HCN1: variants seen among roughly 807,000 people sequenced by gnomAD.
HCN1 encodes potassium/sodium hyperpolarization-activated cyclic nucleotide-gated channel 1.
Under a neutral mutation model 78.9 loss-of-function variants are expected in HCN1, and 13 were observed. The ratio of observed to expected loss-of-function variants is 0.16; its 90% CI spans 0.11 to 0.26. HCN1 has a LOEUF of 0.26. Ranked by LOEUF, HCN1 falls within the 10% of genes least tolerant of loss-of-function variation. The probability of loss-of-function intolerance (pLI) is 1.00; values close to 1 mark genes in which losing one functional copy is unlikely to be tolerated. For synonymous variants in HCN1, 552 were observed against 455.5 expected, an observed-to-expected ratio of 1.21 and a Z score of -2.70; for missense variants, 810 against 1,154.3, an observed-to-expected ratio of 0.70 and a Z score of 4.32.
chr5:45,538,741 T>A (rs1050843667), intron 2 of HCN1, among the ~76,000 whole-genome samples: 3 of 152,164 alleles, frequency 2.0e-5, no homozygotes, highest in Non-Finnish European at 4.4e-5. Context: ...CGAATTGACA[T>A]ACCAATAGAA....
At chr5:45,416,257 C>A in intron 3 of HCN1, among the ~76,000 whole-genome samples, 1 of 151,770 alleles carries the variant, frequency 6.6e-6, no homozygotes, top group East Asian at 1.9e-4. Context: ...AGTTTTCATA[C>A]GTTCATATAT....
chr5:45,678,619 G>A (rs1402887552), intron 1 of HCN1, among the ~76,000 whole-genome samples: 1 of 151,770 alleles, frequency 6.6e-6, no homozygotes, highest in Non-Finnish European at 1.5e-5. Context: ...CATTTAAATA[G>A]TCTGTTCATT....
At chr5:45,486,437 A>G (rs1741765007) in intron 2 of HCN1, among the ~76,000 whole-genome samples, 1 of 152,146 alleles carries the variant, frequency 6.6e-6, no homozygotes. Context: ...TGGATAAAGA[A>G]CTACTATTCT....
intron 2 of HCN1, among the ~76,000 whole-genome samples, chr5:45,462,795 A>G (rs955849796): frequency 6.6e-6 from 1 of 152,028 alleles, no homozygotes; most frequent in Non-Finnish European, 1.5e-5. Context: ...ACAAATACCC[A>G]TCTTTACATC....
chr5:45,581,138 GT>G (rs1266373111), intron 2 of HCN1, among the ~76,000 whole-genome samples: 3 of 152,166 alleles, frequency 2.0e-5, no homozygotes, highest in Non-Finnish European at 4.4e-5. Flanking sequence ...GGTTGAACTA[GT>G]TTACAGTCCC....
chr5:45,416,863 T>TC (rs1740129866), intron 3 of HCN1, among the ~76,000 whole-genome samples: 1 of 151,784 alleles, frequency 6.6e-6, no homozygotes, highest in African/African-American at 2.4e-5. Context: ...GTCTCCCCTC[T>TC]CCCCCAACAC....
At chr5:45,405,704 G>A (rs562143441) in intron 3 of HCN1, among the ~76,000 whole-genome samples, 8 of 152,064 alleles carry the variant, frequency 5.3e-5, no homozygotes, top group African/African-American at 7.2e-5. Context: ...CACTTTGCCC[G>A]GCGTATTTTT....
At chr5:45,419,682 G>A (rs1740188063) in intron 3 of HCN1, among the ~76,000 whole-genome samples, 1 of 152,136 alleles carries the variant, frequency 6.6e-6, no homozygotes, top group Non-Finnish European at 1.5e-5. Flanking sequence ...ACAGAAGAAG[G>A]AAAATGTGAC....
rs183561529 is a variant in HCN1, at chr5:45,522,087, A to G, written c.850-60080T>C. On this transcript the variant is annotated intron_variant, in intron 2 of 7. Transcript: ENST00000303230. ...TCTGTTTCTTACCTAATAGTCATGT[A>G]TCTTACCTAATAACCTATAGTTAGA... Among the ~76,000 whole-genome samples, 29 of 152,086 alleles carry G rather than the reference A, an allele frequency of 1.9e-4. 1 individual carries two copies. Among genetic ancestry groups the G allele is most frequent in the Admixed American group, 1.9e-3 (29 of 15,232 alleles).
At chr5:45,632,952 A>G (rs545407362) in intron 2 of HCN1, among the ~76,000 whole-genome samples, 1 of 152,138 alleles carries the variant, frequency 6.6e-6, no homozygotes, top group East Asian at 1.9e-4. Context: ...TGGTCATGCA[A>G]GTGCCTGAAT....
intron 3 of HCN1, among the ~76,000 whole-genome samples, chr5:45,421,033 T>TTTCCTTTCC (rs1242514666): frequency 6.6e-6 from 1 of 152,130 alleles, no homozygotes; most frequent in Admixed American, 6.5e-5. Flanking sequence ...TCTTCCTTTC[T>TTTCCTTTCC]TTCCTTTCCT....
intron 5 of HCN1, among the ~76,000 whole-genome samples, chr5:45,351,680 G>GA (rs926479297): frequency 4.8e-5 from 7 of 144,386 alleles, no homozygotes; most frequent in Non-Finnish European, 1.0e-4. Flanking sequence ...AAATTTATAA[G>GA]AAAAAAACAA....
Position 45,524,842 on chromosome 5 carries a change from C to A in HCN1, c.850-62835G>T, listed in dbSNP as rs1377165710. The stretch of plus-strand genomic sequence containing the variant: ...ACTTCCTCTTTTCCTAATTGAATAC[C>A]CTTTATTTCCTTCTCCTGTCCAATT... On this transcript the variant is annotated intron_variant, in intron 2 of 7. Transcript: ENST00000303230. Among the ~76,000 whole-genome samples the A allele has an allele frequency of 2.6e-5, 4 of 152,002 alleles. No individual in the cohort carries two copies. In the East Asian group the frequency reaches 5.8e-4, roughly 22 times the overall value.
At chr5:45,346,581 G>T (rs188744396) in intron 5 of HCN1, among the ~76,000 whole-genome samples, 1 of 152,158 alleles carries the variant, frequency 6.6e-6, no homozygotes, top group African/African-American at 2.4e-5. Context: ...CTCAGGAAGC[G>T]CAAGGGGTCA....
At chr5:45,537,059 G>A (rs1039773377) in intron 2 of HCN1, among the ~76,000 whole-genome samples, 7 of 152,148 alleles carry the variant, frequency 4.6e-5, no homozygotes, top group African/African-American at 1.4e-4. Context: ...CTTCTCAAAG[G>A]ATTTGCCTTT....
At chr5:45,549,070 C>T (rs1239107848) in intron 2 of HCN1, among the ~76,000 whole-genome samples, 1 of 151,672 alleles carries the variant, frequency 6.6e-6, no homozygotes, top group African/African-American at 2.4e-5. Flanking sequence ...GGCCATACTG[C>T]CCAAGGTAAT....
At chr5:45,513,305 A>T (rs1157615239) in intron 2 of HCN1, among the ~76,000 whole-genome samples, 1 of 152,204 alleles carries the variant, frequency 6.6e-6, no homozygotes, top group Non-Finnish European at 1.5e-5. Flanking sequence ...GAAGAAGCCT[A>T]GAATGAGAGC....
At chr5:45,284,644 G>A (rs999086521) in intron 6 of HCN1, among the ~76,000 whole-genome samples, 1 of 152,082 alleles carries the variant, frequency 6.6e-6, no homozygotes, top group Non-Finnish European at 1.5e-5. Context: ...TTGCTGAGAG[G>A]AGCTGAATGC....
At chr5:45,624,096 AGAGGTAGC>A (rs1745119098) in intron 2 of HCN1, among the ~76,000 whole-genome samples, 1 of 152,208 alleles carries the variant, frequency 6.6e-6, no homozygotes, top group Non-Finnish European at 1.5e-5. Flanking sequence ...GTGAGGTCAT[AGAGGTAGC>A]CAAGTCAGAT....
Sources: gnomAD v4.1 joint callset for allele counts (sites outside exome capture counted in the v4.1 genomes callset) on GRCh38, gnomAD v4.1.1 for gene constraint, MANE v1.5 for transcripts, NCBI Gene and HGNC (gene_info 2026-07-23, HGNC 2026-07-21) for gene names.